METTL15: variants seen among roughly 807,000 people sequenced by gnomAD.
METTL15 encodes 12S rRNA N(4)-cytidine methyltransferase METTL15.
Under a neutral mutation model 38.3 loss-of-function variants are expected in METTL15, and 34 were observed. The ratio of observed to expected loss-of-function variants is 0.89; its 90% CI spans 0.68 to 1.18. METTL15 has a LOEUF of 1.18. Among genes scored for constraint, METTL15 ranks in the 50% most tolerant of loss-of-function variants. The pLI is 0.00. For missense variants in METTL15, 438 were observed against 498.4 expected (o/e 0.88, Z 1.15); for synonymous variants, 162 against 170.9 (o/e 0.95, Z 0.41).
At chr11:28,341,698 C>T (rs541818463) in intron 3 of METTL15, among the ~76,000 whole-genome samples, 2 of 151,982 alleles carry the variant, frequency 1.3e-5, no homozygotes, top group African/African-American at 2.4e-5. Flanking sequence ...TTTTAGTTAC[C>T]GTTGTACTAG....
At chr11:28,499,894 C>A in intron 6 of METTL15, among the ~76,000 whole-genome samples, 1 of 152,140 alleles carries the variant, frequency 6.6e-6, no homozygotes, top group East Asian at 1.9e-4. Context: ...GCCTGCCAAA[C>A]TGAAATCTAA....
At chr11:28,410,752 G>T (rs199650985) in intron 5 of METTL15, 1 of 151,868 alleles carries the variant, frequency 6.6e-6, no homozygotes, top group African/African-American at 2.4e-5. Flanking sequence ...ATTCAACATA[G>T]TACTGGAAAT....
At chr11:28,307,041 A>G (rs1694885225) in intron 6 of METTL15, among the ~76,000 whole-genome samples, 1 of 151,862 alleles carries the variant, frequency 6.6e-6, no homozygotes. Context: ...AAGTTTCATC[A>G]TTTCCCAAAC....
intron 4 of METTL15, among the ~76,000 whole-genome samples, chr11:28,221,543 A>G (rs911346936): frequency 1.3e-5 from 2 of 152,000 alleles, no homozygotes; most frequent in East Asian, 1.9e-4. Context: ...GATCGTCTGA[A>G]GCCTTCTTCT....
intron 4 of METTL15, among the ~76,000 whole-genome samples, chr11:28,289,354 C>T (rs1258636966): frequency 6.6e-6 from 1 of 152,144 alleles, no homozygotes; most frequent in East Asian, 1.9e-4. Context: ...TCACCTTAAA[C>T]AACATACCAT....
At chr11:28,167,700 C>G (rs924843419) in intron 3 of METTL15, among the ~76,000 whole-genome samples, 6 of 151,026 alleles carry the variant, frequency 4.0e-5, no homozygotes, top group Non-Finnish European at 7.4e-5. Context: ...GTACGAGATT[C>G]ACCTGTATAT....
chr11:28,325,040 G>A (rs548821438), intron 6 of METTL15, among the ~76,000 whole-genome samples: 1 of 152,196 alleles, frequency 6.6e-6, no homozygotes, highest in East Asian at 1.9e-4. Flanking sequence ...CTTTCTCTGG[G>A]CATGAGCGAG....
intron 5 of METTL15, among the ~76,000 whole-genome samples, chr11:28,377,347 C>G (rs1339308686): frequency 6.6e-6 from 1 of 152,136 alleles, no homozygotes; most frequent in Non-Finnish European, 1.5e-5. Context: ...TTCTTGGAGG[C>G]TTTGCCGTTT....
chr11:28,138,039 T>C (rs555997938), intron 3 of METTL15, among the ~76,000 whole-genome samples: 1 of 152,262 alleles, frequency 6.6e-6, no homozygotes, highest in East Asian at 1.9e-4. Flanking sequence ...TAAACAGGTA[T>C]AGCTGGAAGA....
intron 3 of METTL15, among the ~76,000 whole-genome samples, chr11:28,193,322 AGAACTCAG>A (rs1396204720): frequency 6.6e-6 from 1 of 152,094 alleles, no homozygotes; most frequent in Non-Finnish European, 1.5e-5. Context: ...ATGGCTGGGG[AGAACTCAG>A]GAAACTTACA....
At chr11:28,486,079 A>G (rs1288416446) in intron 6 of METTL15, among the ~76,000 whole-genome samples, 1 of 152,186 alleles carries the variant, frequency 6.6e-6, no homozygotes, top group African/African-American at 2.4e-5. Flanking sequence ...GGGAGACACA[A>G]TTTAGTCCAT....
intron 4 of METTL15, among the ~76,000 whole-genome samples, chr11:28,268,196 CAAAAAAAA>C (rs71050954): frequency 6.2e-5 from 4 of 64,174 alleles, no homozygotes; most frequent in Non-Finnish European, 1.0e-4. Context: ...GACTCCGTCT[CAAAAAAAA>C]AAAAAAAAAA....
At chr11:28,287,248 T>C (rs986333322) in intron 4 of METTL15, 3 of 206,228 alleles carry the variant, frequency 1.5e-5, no homozygotes, top group Non-Finnish European at 3.0e-5. Flanking sequence ...GAAAAAGAAT[T>C]GCAGCATTTT....
At chr11:28,325,944 G>C (rs1445034206) in intron 6 of METTL15, among the ~76,000 whole-genome samples, 1 of 152,152 alleles carries the variant, frequency 6.6e-6, no homozygotes, top group Non-Finnish European at 1.5e-5. Context: ...CATGTATATT[G>C]GTACTAGGTT....
intron 3 of METTL15, among the ~76,000 whole-genome samples, chr11:28,178,576 T>A (rs1178358062): frequency 6.6e-6 from 1 of 151,884 alleles, no homozygotes; most frequent in African/African-American, 2.4e-5. Flanking sequence ...AGGCCAGATA[T>A]TAATAGTCTG....
intron 3 of METTL15, among the ~76,000 whole-genome samples, chr11:28,118,539 T>C (rs1324308929): frequency 1.3e-5 from 2 of 152,212 alleles, no homozygotes; most frequent in African/African-American, 4.8e-5. Context: ...ATAGATTAAC[T>C]TTTTATTCTT....
At chr11:28,481,349 A>C (rs1851393697) in intron 6 of METTL15, among the ~76,000 whole-genome samples, 1 of 152,206 alleles carries the variant, frequency 6.6e-6, no homozygotes. Flanking sequence ...AAGCCGCTGA[A>C]TACAGCCCAT....
chr11:28,145,687 A>T (rs1849857480), intron 3 of METTL15: 1 of 152,088 alleles, frequency 6.6e-6, no homozygotes, highest in African/African-American at 2.4e-5. Context: ...ATTTAAAAAA[A>T]TTATTAATAT....
chr11:28,219,213 A>T (rs1853064206), intron 4 of METTL15, among the ~76,000 whole-genome samples: 1 of 152,126 alleles, frequency 6.6e-6, no homozygotes, highest in Non-Finnish European at 1.5e-5. Context: ...TTGGTAAGCT[A>T]TTAATTATTG....
Sources: gnomAD v4.1 joint callset for allele counts (sites outside exome capture counted in the v4.1 genomes callset) on GRCh38, gnomAD v4.1.1 for gene constraint, MANE v1.5 for transcripts, NCBI Gene and HGNC (gene_info 2026-07-23, HGNC 2026-07-21) for gene names.